Variants in EIF5B observed in about 807,000 individuals in gnomAD.
EIF5B encodes eukaryotic translation initiation factor 5B, also known as eIF-5B.
EIF5B carries 47 observed loss-of-function variants against 147.5 expected under a neutral mutation model. That is an observed-to-expected ratio of 0.32 (90% CI 0.25 to 0.41). EIF5B has a LOEUF of 0.41. Ranked by LOEUF, EIF5B falls within the 10% of genes least tolerant of loss-of-function variation. The probability of loss-of-function intolerance (pLI) is 1.00; values close to 1 mark genes in which losing one functional copy is unlikely to be tolerated. For missense variants in EIF5B, 1,064 were observed against 1,413.2 expected (o/e 0.75, Z 3.96); for synonymous variants, 455 against 456.2 (o/e 1.00, Z 0.03).
chr2:99,337,684 C>G, intron 1 of EIF5B, 95 bp downstream of exon 1: 1 of 1,441,110 alleles, frequency 6.9e-7, no homozygotes, highest in Non-Finnish European at 9.3e-7. Flanking sequence ...GGTCTGGGCT[C>G]GCGATGAGCT....
intron 1 of EIF5B, among the ~76,000 whole-genome samples, chr2:99,346,297 A>G (rs897500718): frequency 6.6e-6 from 1 of 152,220 alleles, no homozygotes. Flanking sequence ...AATTTTGTAC[A>G]CAGGTGCAGC....
At position 99,394,780 on chromosome 2, in the gene EIF5B, A is replaced by G. The variant is rs552697806; in HGVS notation, c.3151A>G (p.Ser1051Gly). Residue 1051 changes from serine to glycine, a missense_variant, in exon 21 of 24, where the codon AGT becomes GGT. Transcript: ENST00000289371. ...ACGAGATGCACAAGAAATGGCTGAT[A>G]GTTTAGGAGTTAGAATTTTTAGTGC... ...IERDAQEMAD[S>G]LGVRIFSAEI... 3.7e-6 allele frequency: 6 copies of G among 1,613,380 alleles called. No homozygotes were observed. The African/African-American group carries it at 8.0e-5, about 21-fold the overall frequency.
At chr2:99,381,733 ACTTTAAAATG>A (rs1674693699) in intron 12 of EIF5B, among the ~76,000 whole-genome samples, 1 of 152,108 alleles carries the variant, frequency 6.6e-6, no homozygotes, top group Admixed American at 6.5e-5. Context: ...TGGTAAATTT[ACTTTAAAATG>A]TACTTTTGGG....
Position 99,337,434 on chromosome 2 carries a change from G to T in EIF5B, c.-121G>T, listed in dbSNP as rs2094245398. ...CAGTGCGCGGGTCTGTGGAGAGCCG[G>T]GTGCGAGCGGCGGCAGCACGAGGGG... is the stretch of plus-strand genomic sequence containing the variant. On this transcript the variant is annotated 5_prime_UTR_variant, in exon 1 of 24. Transcript: ENST00000289371. The T allele has an allele frequency of 7.9e-7, 1 of 1,269,392 alleles. No homozygotes were observed. Among genetic ancestry groups the T allele is most frequent in the Non-Finnish European group, 1.1e-6 (1 of 890,734 alleles). The allele number at this position is 1,269,392 out of a possible 1,614,324, so 78.6% of individuals were successfully genotyped here. A position where few individuals can be genotyped will look rare whatever the true frequency, so the allele number is the denominator to read the frequency against.
chr2:99,382,986 AAGT>A (rs1674722848), intron 14 of EIF5B, 65 bp downstream of exon 14: 2 of 1,486,934 alleles, frequency 1.3e-6, no homozygotes, highest in Admixed American at 4.7e-5. Context: ...TGATTAAAAA[AAGT>A]AGTATAATTA....
intron 17 of EIF5B, among the ~76,000 whole-genome samples, chr2:99,392,033 C>T (rs1303690374): frequency 4.0e-5 from 6 of 150,940 alleles, no homozygotes; most frequent in Non-Finnish European, 5.9e-5. Context: ...CTATATCTGG[C>T]TTCCTTTAGT....
chr2:99,370,102 T>C (rs1172775725), intron 8 of EIF5B, among the ~76,000 whole-genome samples: 1 of 152,198 alleles, frequency 6.6e-6, no homozygotes, highest in Non-Finnish European at 1.5e-5. Flanking sequence ...AGAAGCAAAT[T>C]GGAAGGATTT....
chr2:99,338,256 C>G, intron 1 of EIF5B: 1 of 1,229,870 alleles, frequency 8.1e-7, no homozygotes, highest in Non-Finnish European at 1.1e-6. Flanking sequence ...CGAGGTCGCT[C>G]CTTTCTAACC....
At chr2:99,389,371 G>A (rs935723854) in intron 14 of EIF5B, among the ~76,000 whole-genome samples, 7 of 152,072 alleles carry the variant, frequency 4.6e-5, no homozygotes. Context: ...TATAGTGATG[G>A]TACTTGCTGG....
At chr2:99,339,693 T>A (rs1475276159) in intron 1 of EIF5B, among the ~76,000 whole-genome samples, 2 of 152,184 alleles carry the variant, frequency 1.3e-5, no homozygotes, top group Non-Finnish European at 2.9e-5. Context: ...TTACACTTTT[T>A]ACTTTCCAGG....
intron 9 of EIF5B, among the ~76,000 whole-genome samples, chr2:99,375,775 C>G (rs1674553055): frequency 6.6e-6 from 1 of 152,092 alleles, no homozygotes; most frequent in African/African-American, 2.4e-5. Context: ...TATGAAAACA[C>G]CATGTTACTG....
chr2:99,391,813 T>G (rs1268001076), intron 17 of EIF5B, among the ~76,000 whole-genome samples: 3 of 147,122 alleles, frequency 2.0e-5, no homozygotes, highest in Non-Finnish European at 4.5e-5. Context: ...CACTGCAGCC[T>G]CAACCTCCCC....
In EIF5B at chr2:99,337,581, C is replaced by G; in HGVS notation, c.27C>G (p.Ser9Arg). Residue 9 changes from serine to arginine, a missense_variant, in exon 1 of 24, where the codon AGC (serine) becomes AGG (arginine). Transcript: ENST00000289371. Reference protein sequence around the residue: MGKKQKNKSEDSTKDDIDL... With the variant: MGKKQKNKREDSTKDDIDL... ...TGGGGAAGAAACAGAAAAACAAGAG[C>G]GAAGACAGGTAGATAGGGGTTGGGT... 1 of 1,612,822 alleles carries G rather than the reference C, an allele frequency of 6.2e-7. No homozygotes were observed. Among genetic ancestry groups the G allele is most frequent in the Admixed American group, 1.7e-5 (1 of 59,900 alleles).
chr2:99,390,441 T>A lies in EIF5B; in HGVS notation c.2586+40T>A, dbSNP rs74906568. ...TTCAGTTTATTGTTTTTTTTTTTTT[T>A]AAAAATAGCAAGTTCCTTGAGTGGA... On this transcript the variant is annotated intron_variant, in intron 16 of 23. Transcript: ENST00000289371. 8,546 of 1,549,774 alleles carry A rather than the reference T, an allele frequency of 5.5e-3. 11 individuals are homozygous for A. Among genetic ancestry groups the A allele is most frequent in the African/African-American group, 0.018 (1,310 of 71,046 alleles).
chr2:99,382,362 T>A (rs1029455937), intron 13 of EIF5B, 136 bp downstream of exon 13: 16 of 656,666 alleles, frequency 2.4e-5, no homozygotes, highest in Non-Finnish European at 3.8e-5. Context: ...CCTCATTGAT[T>A]TAGTAATGTT....
chr2:99,364,246 T>C (rs1460515636), intron 5 of EIF5B, 25 bp from the exon 6 acceptor site: 1 of 1,551,074 alleles, frequency 6.4e-7, no homozygotes, highest in Admixed American at 2.1e-5. Flanking sequence ...AATACAGGTT[T>C]TGTCTGACAT....
Position 99,384,425 on chromosome 2 carries a change from G to A in EIF5B, c.2271+1504G>A, listed in dbSNP as rs574578267. On this transcript the variant is annotated intron_variant, in intron 14 of 23. Transcript: ENST00000289371. Reference sequence around the variant, plus strand: ...ACACAAGGAGATTAATGTTGTTTTCGTGCCTGCTAATACAGCATCCATTCT... The same window carrying A: ...ACACAAGGAGATTAATGTTGTTTTCATGCCTGCTAATACAGCATCCATTCT... 9.9e-5 allele frequency among the ~76,000 whole-genome samples: 15 copies of A among 152,222 alleles called. No homozygotes were observed. The East Asian group carries it at 2.5e-3, about 25-fold the overall frequency.
Position 99,394,258 on chromosome 2 carries a change from C to G in EIF5B, c.2881-9C>G, listed in dbSNP as rs1188083254. ...TTGACAACCTTATCAAATCTGATTT[C>G]TTTTCAAGGATGAATTGATCCATGA... On this transcript the variant is annotated splice_polypyrimidine_tract_variant and intron_variant, in intron 18 of 23. Coordinates refer to ENST00000289371, the MANE Select transcript of EIF5B (RefSeq NM_015904.4). 6.3e-7 allele frequency: 1 copy of G among 1,599,902 alleles called. No individual in the cohort carries two copies. Among genetic ancestry groups the G allele is most frequent in the Non-Finnish European group, 8.5e-7 (1 of 1,175,980 alleles).
At chr2:99,364,125 C>A in intron 5 of EIF5B, 146 bp from the exon 6 acceptor site, 1 of 1,189,046 alleles carries the variant, frequency 8.4e-7, no homozygotes, top group Non-Finnish European at 1.2e-6. Flanking sequence ...TCATGTATAA[C>A]ATTTAAAATA....
Sources: allele counts gnomAD v4.1 joint callset (sites outside exome capture counted in the v4.1 genomes callset), GRCh38; gene constraint gnomAD v4.1.1; transcripts MANE v1.5; gene names NCBI Gene and HGNC (gene_info 2026-07-23, HGNC 2026-07-21).